The following ZC3H13 variants were observed in gnomAD, a reference collection of about 807,000 sequenced individuals.
ZC3H13 encodes zinc finger CCCH-type containing 13.
Under a neutral mutation model 204.1 loss-of-function variants are expected in ZC3H13, and 64 were observed. The observed-to-expected ratio is 0.31, with a 90% CI of 0.26 to 0.39. ZC3H13 has a LOEUF of 0.39. Among genes scored for constraint, ZC3H13 ranks in the 10% least tolerant of loss-of-function variants. The pLI is 1.00. For missense variants in ZC3H13, 1,833 were observed against 2,082.7 expected (o/e 0.88, Z 2.33); for synonymous variants, 667 against 693.7 (o/e 0.96, Z 0.60).
chr13:46,022,191 G>A (rs112278333), intron 4 of ZC3H13, among the ~76,000 whole-genome samples: 1 of 151,604 alleles, frequency 6.6e-6, no homozygotes, highest in Admixed American at 6.6e-5. Flanking sequence ...AATTGTCCAT[G>A]TTTTCCAATA....
intron 4 of ZC3H13, among the ~76,000 whole-genome samples, chr13:46,028,821 T>C (rs1593746780): frequency 6.6e-6 from 1 of 152,136 alleles, no homozygotes; most frequent in East Asian, 1.9e-4. Flanking sequence ...CAAAGAGATA[T>C]TTATAGCATT....
chr13:45,959,249 C>T (rs1329219021), intron 18 of ZC3H13, among the ~76,000 whole-genome samples: 3 of 151,892 alleles, frequency 2.0e-5, no homozygotes, highest in East Asian at 1.9e-4. Context: ...TCACAAAAAA[C>T]GTTTAACAGA....
chr13:45,993,277 G>A (rs1405546845), intron 8 of ZC3H13, among the ~76,000 whole-genome samples: 1 of 152,178 alleles, frequency 6.6e-6, no homozygotes, highest in Non-Finnish European at 1.5e-5. Context: ...GTGTGTGGCA[G>A]GAATACCGGC....
intron 17 of ZC3H13, chr13:45,963,332 A>G (rs1262377438): frequency 2.0e-6 from 2 of 986,444 alleles, no homozygotes; most frequent in East Asian, 2.3e-4. Flanking sequence ...TTCTTTAGAC[A>G]TGAAAAATAT....
At chr13:46,034,335 T>A (rs564385077) in intron 4 of ZC3H13, among the ~76,000 whole-genome samples, 1 of 152,320 alleles carries the variant, frequency 6.6e-6, no homozygotes, top group Non-Finnish European at 1.5e-5. Context: ...TATATACACA[T>A]GTTGATAGCA....
intron 4 of ZC3H13, among the ~76,000 whole-genome samples, chr13:46,038,526 A>C (rs2043355983): frequency 6.6e-6 from 1 of 152,210 alleles, no homozygotes; most frequent in Admixed American, 6.5e-5. Context: ...GTGACAGAGA[A>C]GAGGAGGAAT....
chr13:46,048,701 T>C (rs1334475611), intron 1 of ZC3H13, among the ~76,000 whole-genome samples: 1 of 152,014 alleles, frequency 6.6e-6, no homozygotes, highest in Non-Finnish European at 1.5e-5. Flanking sequence ...GCCCATATTC[T>C]TTCCACAGAG....
At chr13:45,976,343 T>C (rs200588155) in intron 11 of ZC3H13, 85 of 795,528 alleles carry the variant, frequency 1.1e-4, no homozygotes, top group Admixed American at 1.9e-4. Context: ...AAAGTGCAGC[T>C]ATTATGTGAG....
chr13:46,028,401 G>A (rs1245768431), intron 4 of ZC3H13, among the ~76,000 whole-genome samples: 2 of 152,110 alleles, frequency 1.3e-5, no homozygotes, highest in Non-Finnish European at 2.9e-5. Flanking sequence ...CATCATAAAT[G>A]GAAAGATTCA....
At chr13:46,016,927 T>C (rs1380037653) in intron 5 of ZC3H13, among the ~76,000 whole-genome samples, 3 of 152,092 alleles carry the variant, frequency 2.0e-5, no homozygotes, top group African/African-American at 7.2e-5. Context: ...TCAATGGTAT[T>C]GGGTACATAA....
Position 45,969,470 on chromosome 13 carries a change from C to A in ZC3H13, c.3074G>T (p.Ser1025Ile), listed in dbSNP as rs1481405531. 2 of 1,611,180 alleles carry A rather than the reference C, an allele frequency of 1.2e-6. No individual in the cohort carries two copies. The highest frequency in any genetic ancestry group is 2.7e-5 in the African/African-American group (2 of 74,598). ...DISDEEAAQQ[S>I]KKKRGPRTPP... ...AGTCCGTGGGCCTCTTTTCTTCTTA[C>A]TTTGCTGGGCTGCTTCTTCATCAGA... is the stretch of plus-strand genomic sequence containing the variant. The change falls in exon 14 of 19, where the codon AGT (serine) becomes ATT (isoleucine). Residue 1025 changes from serine to isoleucine, a missense_variant. Physicochemically the swap from Ser to Ile is moderately radical, Grantham distance 142. Around this residue, in one of 5 missense-constraint regions of ZC3H13, gnomAD observed 1,574 missense variants for 1,757.2 expected, o/e 0.90. Coordinates refer to ENST00000679008, the MANE Select transcript of ZC3H13 (RefSeq NM_001330564.2).
chr13:46,005,690 C>T (rs547555027), intron 7 of ZC3H13, among the ~76,000 whole-genome samples: 151 of 152,182 alleles, frequency 9.9e-4, no homozygotes, highest in Admixed American at 2.2e-3. Context: ...GGTTTTATCA[C>T]GTTATCCAGG....
At chr13:45,965,249 T>C in intron 16 of ZC3H13, 31 bp downstream of exon 16, 1 of 1,608,190 alleles carries the variant, frequency 6.2e-7, no homozygotes, top group Non-Finnish European at 8.5e-7. Flanking sequence ...ACAGATAATT[T>C]TCATGTTTAA....
chr13:46,035,965 C>T (rs2043184571), intron 4 of ZC3H13, among the ~76,000 whole-genome samples: 1 of 151,612 alleles, frequency 6.6e-6, no homozygotes, highest in Non-Finnish European at 1.5e-5. Context: ...CTCATCTAGA[C>T]AGAAATATCA....
In ZC3H13 at chr13:45,970,386, C is replaced by A. The variant is rs916633086; in HGVS notation, c.2548G>T (p.Ala850Ser). 1 of 1,613,880 alleles carries A rather than the reference C, an allele frequency of 6.2e-7. No homozygotes were observed. Among genetic ancestry groups the A allele is most frequent in the African/African-American group, 1.3e-5 (1 of 75,028 alleles). Residue 850 changes from alanine to serine, a missense_variant, in exon 13 of 19, where the codon GCC (alanine) becomes TCC (serine). Coordinates refer to ENST00000679008, the MANE Select transcript of ZC3H13 (RefSeq NM_001330564.2). Reference protein sequence around the residue: ...RRREHSPDSDAYNSGDDKNEK... With the variant: ...RRREHSPDSDSYNSGDDKNEK... The stretch of plus-strand genomic sequence containing the variant: ...CTTTTATCATCTCCACTGTTGTAGG[C>A]ATCACTGTCCGGAGAATGTTCACGC...
chr13:46,024,475 T>C (rs920552338), intron 4 of ZC3H13, among the ~76,000 whole-genome samples: 1 of 152,190 alleles, frequency 6.6e-6, no homozygotes, highest in African/African-American at 2.4e-5. Context: ...TCTCAGTACT[T>C]TGAAAATATT....
intron 8 of ZC3H13, among the ~76,000 whole-genome samples, chr13:45,995,377 T>C (rs1264394573): frequency 6.6e-6 from 1 of 152,218 alleles, no homozygotes; most frequent in African/African-American, 2.4e-5. Context: ...TCACACCTAC[T>C]AAAGACAGTC....
At chr13:46,042,815 A>G (rs975726765) in intron 3 of ZC3H13, among the ~76,000 whole-genome samples, 5 of 152,044 alleles carry the variant, frequency 3.3e-5, no homozygotes, top group Admixed American at 6.5e-5. Flanking sequence ...TATTTTATGT[A>G]CCTTAAGTAA....
intron 7 of ZC3H13, 32 bp from the exon 8 acceptor site, chr13:46,003,368 T>C: frequency 6.3e-7 from 1 of 1,574,978 alleles, no homozygotes; most frequent in Middle Eastern, 1.7e-4. Context: ...CATTAGAGGT[T>C]CAAATATGCC....
Sources: allele counts gnomAD v4.1 joint callset (sites outside exome capture counted in the v4.1 genomes callset), GRCh38; gene constraint gnomAD v4.1.1; regional missense constraint gnomAD v4.1.1; transcripts MANE v1.5; gene names NCBI Gene and HGNC (gene_info 2026-07-23, HGNC 2026-07-21).